The following PLA2G4E variants were observed in gnomAD, a reference collection of about 807,000 sequenced individuals.
The protein encoded by PLA2G4E is cytosolic phospholipase A2 epsilon.
In PLA2G4E, 84 loss-of-function variants were observed where a neutral mutation model predicts 109.1. The observed-to-expected ratio is 0.77, with a 90% CI of 0.65 to 0.92. PLA2G4E has a LOEUF of 0.92. Ranked by LOEUF, PLA2G4E falls within the 40% of genes least tolerant of loss-of-function variation. The pLI, the probability that PLA2G4E is intolerant of heterozygous loss-of-function variation, is 0.00. For missense variants in PLA2G4E, 1,057 were observed against 1,076.6 expected (o/e 0.98, Z 0.25); for synonymous variants, 469 against 436.1 (o/e 1.08, Z -0.94).
intron 1 of PLA2G4E, among the ~76,000 whole-genome samples, chr15:42,037,791 T>A (rs1889244578): frequency 6.6e-6 from 1 of 152,180 alleles, no homozygotes; most frequent in Non-Finnish European, 1.5e-5. Flanking sequence ...CACCACCACA[T>A]TCCCTGGAGC....
chr15:42,049,774 C>T (rs992401969), intron 1 of PLA2G4E, among the ~76,000 whole-genome samples: 1 of 152,144 alleles, frequency 6.6e-6, no homozygotes, highest in Non-Finnish European at 1.5e-5. Flanking sequence ...CTGGTGCCAC[C>T]GCTAAGACCA....
chr15:41,998,442 T>A (rs935334982), intron 10 of PLA2G4E: 2 of 152,226 alleles, frequency 1.3e-5, no homozygotes, highest in Admixed American at 6.5e-5. Flanking sequence ...AACCCAGTGA[T>A]GCACAGGATC....
intron 15 of PLA2G4E, 24 bp downstream of exon 15, chr15:41,989,391 T>C: frequency 6.2e-7 from 1 of 1,613,472 alleles, no homozygotes. Flanking sequence ...CCCCCTGTCA[T>C]TCCGCCAGTT....
Position 42,031,179 on chromosome 15 carries a change from C to T in PLA2G4E, c.184-17422G>A, listed in dbSNP as rs547459176. On this transcript the variant is annotated intron_variant, in intron 1 of 19. Coordinates refer to ENST00000399518, the Ensembl canonical transcript of PLA2G4E. ...AGTCGGGGTCTCACTATGTTGCCCA[C>T]GCTGGTCTTGAACTTCTGGGCTCAA... Among the ~76,000 whole-genome samples the T allele has an allele frequency of 6.0e-4, 92 of 152,146 alleles. 2 individuals are homozygous for T. Among genetic ancestry groups the T allele is most frequent in the Middle Eastern group, 6.8e-3 (2 of 294 alleles).
Position 42,013,906 on chromosome 15 carries a change from T to C in PLA2G4E, c.184-149A>G. On this transcript the variant is annotated intron_variant, in intron 1 of 19. Transcript: ENST00000399518. The stretch of plus-strand genomic sequence containing the variant: ...GGTTTTTTTTTTTTTTTTTTTTTTT[T>C]TTTTTACAGAGTTTCACTCTTGTTG... 2 of 608,274 alleles carry C rather than the reference T, an allele frequency of 3.3e-6. 1 individual carries two copies. The highest frequency in any genetic ancestry group is 5.5e-6 in the Non-Finnish European group (2 of 363,184). The allele number at this position is 608,274 out of a possible 1,614,324, so 37.7% of individuals were successfully genotyped here.
At chr15:42,026,054 A>G (rs2068690750) in intron 1 of PLA2G4E, among the ~76,000 whole-genome samples, 1 of 152,224 alleles carries the variant, frequency 6.6e-6, no homozygotes, top group Admixed American at 6.5e-5. Flanking sequence ...AAACTTCGGT[A>G]AAGCAAAAGA....
rs2068092793 is a variant in PLA2G4E, at chr15:41,983,639, G to C, written c.*115C>G. 8.4e-6 allele frequency: 8 copies of C among 950,252 alleles called. No homozygotes were observed. The South Asian group carries it at 1.3e-4, about 16-fold the overall frequency. The allele number at this position is 950,252 out of a possible 1,614,324, so 58.9% of individuals were successfully genotyped here. A position where few individuals can be genotyped will look rare whatever the true frequency, so the allele number is the denominator to read the frequency against. On this transcript the variant is annotated 3_prime_UTR_variant, in exon 20 of 20. Coordinates refer to ENST00000399518, the Ensembl canonical transcript of PLA2G4E. ...TTCGTTAGAAAGCCCAGGCCAACCT[G>C]CTCACACCCATTGCCGGAGAGCAGA...
intron 17 of PLA2G4E, among the ~76,000 whole-genome samples, chr15:41,986,603 G>A: frequency 6.6e-6 from 1 of 151,194 alleles, no homozygotes; most frequent in Non-Finnish European, 1.5e-5. Context: ...TTGCAGCCTT[G>A]ACCTCCTGGG....
At chr15:41,995,842 G>A (rs553215714) in intron 11 of PLA2G4E, among the ~76,000 whole-genome samples, 1 of 152,312 alleles carries the variant, frequency 6.6e-6, no homozygotes, top group South Asian at 2.1e-4. Flanking sequence ...TGGGCAGCTT[G>A]TTCAAGAACC....
At chr15:42,050,653 A>G in exon 1 of PLA2G4E, 1 of 1,550,578 alleles carries the variant, frequency 6.4e-7, no homozygotes, top group Non-Finnish European at 8.7e-7. Context: ...TCTGTGGGAC[A>G]AACACATTAG....
chr15:42,015,606 TG>T (rs1209968949), intron 1 of PLA2G4E, among the ~76,000 whole-genome samples: 1 of 152,212 alleles, frequency 6.6e-6, no homozygotes, highest in African/African-American at 2.4e-5. Context: ...TGCTAGATGC[TG>T]GGGGGCCAGG....
chr15:42,045,515 C>T (rs112315064), intron 1 of PLA2G4E, among the ~76,000 whole-genome samples: 69 of 152,230 alleles, frequency 4.5e-4, no homozygotes, highest in Non-Finnish European at 6.8e-4. Flanking sequence ...CAAGCAGCTG[C>T]AGAGCTTGTG....
At chr15:41,983,175 A>G (rs2068085526) in exon 20 of PLA2G4E, 1 of 153,288 alleles carries the variant, frequency 6.5e-6, no homozygotes, top group Non-Finnish European at 1.5e-5. Flanking sequence ...GAGGCAAGAG[A>G]ATTGCTTGAA....
chr15:42,039,277 A>G (rs563866416), intron 1 of PLA2G4E, among the ~76,000 whole-genome samples: 1 of 152,358 alleles, frequency 6.6e-6, no homozygotes, highest in South Asian at 2.1e-4. Context: ...AATTTCATTT[A>G]AAATTTTTGA....
At chr15:42,011,832 G>A (rs1183383573) in intron 2 of PLA2G4E, among the ~76,000 whole-genome samples, 1 of 152,218 alleles carries the variant, frequency 6.6e-6, no homozygotes, top group Non-Finnish European at 1.5e-5. Context: ...AAGGATGAGG[G>A]TGAACTCTGC....
At chr15:42,003,854 G>A (rs572134338) in intron 5 of PLA2G4E, among the ~76,000 whole-genome samples, 20 of 145,842 alleles carry the variant, frequency 1.4e-4, no homozygotes, top group Admixed American at 9.7e-4. Flanking sequence ...GGCCTGAGGC[G>A]GGGGTTGCCT....
In PLA2G4E at chr15:42,004,994, G is replaced by A. The variant is rs1490589035; in HGVS notation, c.526-16C>T. 9 of 1,612,126 alleles carry A rather than the reference G, an allele frequency of 5.6e-6. No homozygotes were observed. The highest frequency in any genetic ancestry group is 1.7e-5 in the Admixed American group (1 of 59,776). ...CTTCCATGCCCTGGTAGGGGAGGGA[G>A]GGAAGGCAGCTGTGAGTGGCGTCTG... On this transcript the variant is annotated splice_polypyrimidine_tract_variant and intron_variant, in intron 4 of 19. Coordinates refer to ENST00000399518, the Ensembl canonical transcript of PLA2G4E.
At chr15:42,024,446 G>A (rs994214763) in intron 1 of PLA2G4E, among the ~76,000 whole-genome samples, 2 of 152,188 alleles carry the variant, frequency 1.3e-5, no homozygotes, top group Admixed American at 6.5e-5. Context: ...TGAGGCCTCC[G>A]ACTCCAGGCC....
chr15:42,002,264 C>CAAAAAAAAAAAAAAAAAAAAAAAAAAAA (rs71108143), intron 6 of PLA2G4E, among the ~76,000 whole-genome samples: 1 of 73,234 alleles, frequency 1.4e-5, no homozygotes, highest in African/African-American at 6.2e-5. Flanking sequence ...GACCTTGTCT[C>CAAAAAAAAAAAAAAAAAAAAAAAAAAAA]AAAAAAAAAA....
Sources: gnomAD v4.1 joint callset for allele counts (sites outside exome capture counted in the v4.1 genomes callset) on GRCh38, gnomAD v4.1.1 for gene constraint, MANE v1.5 for transcripts, NCBI Gene and HGNC (gene_info 2026-07-23, HGNC 2026-07-21) for gene names.